Variants in CBFA2T2 observed in about 807,000 individuals in gnomAD.
CBFA2T2 encodes CBFA2/RUNX1 partner transcriptional co-repressor 2.
In CBFA2T2, 11 loss-of-function variants were observed where a neutral mutation model predicts 62.2. That is an observed-to-expected ratio of 0.18 (90% CI 0.11 to 0.29). The LOEUF (loss-of-function observed/expected upper bound fraction) is 0.29, where lower values mean the gene tolerates loss of function less well. CBFA2T2 is among the 10% of genes least tolerant of loss of function. CBFA2T2 has a pLI of 1.00. For missense variants in CBFA2T2, 592 were observed against 774.1 expected (o/e 0.76, Z 2.79); for synonymous variants, 295 against 287.5 (o/e 1.03, Z -0.27).
At chr20:33,565,411 G>A (rs1435154313) in intron 1 of CBFA2T2, among the ~76,000 whole-genome samples, 2 of 152,184 alleles carry the variant, frequency 1.3e-5, no homozygotes, top group African/African-American at 4.8e-5. Context: ...TAGGAGACAT[G>A]AGTGGGGAGA....
chr20:33,528,708 G>A (rs1280687551), intron 1 of CBFA2T2, among the ~76,000 whole-genome samples: 1 of 151,956 alleles, frequency 6.6e-6, no homozygotes, highest in Non-Finnish European at 1.5e-5. Context: ...GTGTGTGTGT[G>A]TGCGTGTGTG....
intron 3 of CBFA2T2, among the ~76,000 whole-genome samples, chr20:33,612,637 A>G (rs2015571363): frequency 6.6e-6 from 1 of 152,248 alleles, no homozygotes; most frequent in Non-Finnish European, 1.5e-5. Context: ...TTTGGAAAAT[A>G]CAGATTTTAA....
chr20:33,541,218 A>G (rs2012402363), intron 1 of CBFA2T2, among the ~76,000 whole-genome samples: 1 of 152,216 alleles, frequency 6.6e-6, no homozygotes, highest in Non-Finnish European at 1.5e-5. Flanking sequence ...CATTGAGGGC[A>G]CTGAAAGGTG....
At position 33,619,555 on chromosome 20, in the gene CBFA2T2, C is replaced by G; in HGVS notation, c.459C>G (p.Leu153=). The G allele has an allele frequency of 6.2e-7, 1 of 1,610,112 alleles. No individual in the cohort carries two copies. Among genetic ancestry groups the G allele is most frequent in the Non-Finnish European group, 8.5e-7 (1 of 1,178,334 alleles). Reference sequence around the variant, plus strand: ...CAATTGAGGAATTCCACTGTAAGCTCCAAGAAGCCACAAACTTTCCCCTTC... The same window carrying G: ...CAATTGAGGAATTCCACTGTAAGCTGCAAGAAGCCACAAACTTTCCCCTTC... ...TVTIEEFHCK[L]QEATNFPLRP... is the part of the protein sequence containing the mutation. Residue 153 remains leucine, a synonymous_variant, in exon 4 of 11, where the codon CTC becomes CTG. Transcript: ENST00000342704.
At chr20:33,512,195 C>T (rs2011522866) in intron 1 of CBFA2T2, among the ~76,000 whole-genome samples, 1 of 150,946 alleles carries the variant, frequency 6.6e-6, no homozygotes, top group South Asian at 2.1e-4. Context: ...AAAAATTAGC[C>T]GGGCATGGCG....
Position 33,490,144 on chromosome 20 carries a change from C to T in CBFA2T2, c.-124C>T, listed in dbSNP as rs1313661052. ...CAGCGGTGGTGGTGTCTGGTTAGCT[C>T]GGCGGCTGCAGATCTCGCGGCGACG... On this transcript the variant is annotated 5_prime_UTR_variant, in exon 1 of 11. Transcript: ENST00000342704. The T allele has an allele frequency of 2.2e-5, 22 of 1,011,386 alleles. No individual in the cohort carries two copies. In the South Asian group the frequency reaches 2.9e-4, roughly 13 times the overall value. 62.7% of individuals were successfully genotyped at this position (1,011,386 alleles called of 1,614,324 possible).
intron 1 of CBFA2T2, among the ~76,000 whole-genome samples, chr20:33,503,238 A>G (rs1212328819): frequency 1.5e-5 from 2 of 134,472 alleles, no homozygotes; most frequent in Non-Finnish European, 3.1e-5. Flanking sequence ...ATGTATCTAA[A>G]TTTCTTTCTT....
intron 1 of CBFA2T2, among the ~76,000 whole-genome samples, chr20:33,605,195 T>G (rs961715545): frequency 1.3e-5 from 2 of 152,246 alleles, no homozygotes; most frequent in African/African-American, 4.8e-5. Flanking sequence ...GTCCCATCAA[T>G]GCACAAAAAT....
chr20:33,604,723 A>G (rs141776147), intron 1 of CBFA2T2, among the ~76,000 whole-genome samples: 215 of 152,338 alleles, frequency 1.4e-3, no homozygotes, highest in African/African-American at 4.8e-3. Flanking sequence ...CACCCTTGCT[A>G]TAGAGCCAGG....
intron 1 of CBFA2T2, chr20:33,562,402 A>G (rs1372364649): frequency 1.0e-6 from 1 of 985,850 alleles, no homozygotes; most frequent in East Asian, 1.1e-4. Context: ...GTATCTGGGG[A>G]TTCTGGCAAG....
chr20:33,505,521 C>T (rs1028429957), intron 1 of CBFA2T2, among the ~76,000 whole-genome samples: 5 of 152,202 alleles, frequency 3.3e-5, no homozygotes, highest in South Asian at 4.1e-4. Flanking sequence ...CAGTGGCTCA[C>T]GCCTGTAATC....
intron 3 of CBFA2T2, among the ~76,000 whole-genome samples, chr20:33,613,905 TAAA>T (rs1230787653): frequency 1.3e-5 from 2 of 152,208 alleles, no homozygotes; most frequent in African/African-American, 2.4e-5. Context: ...TATCTATTCT[TAAA>T]AATAATTTCA....
intron 1 of CBFA2T2, among the ~76,000 whole-genome samples, chr20:33,554,596 TTTTC>T (rs1322213937): frequency 6.9e-6 from 1 of 143,918 alleles, no homozygotes; most frequent in Non-Finnish European, 1.5e-5. Flanking sequence ...TTCCTTTTTC[TTTTC>T]TTTTTTTTTT....
In CBFA2T2 at chr20:33,644,462, G is replaced by A; in HGVS notation, c.1604G>A (p.Gly535Asp). Residue 535 changes from glycine to aspartate, a missense_variant, in exon 11 of 11, where the codon GGT (glycine) becomes GAT (aspartate). By Grantham distance (94) the Gly-to-Asp change is moderately conservative. This residue lies in a region of CBFA2T2 where 85 missense variants were observed against 99.0 expected (regional missense o/e 0.86). Coordinates refer to ENST00000342704, the MANE Select transcript of CBFA2T2 (RefSeq NM_001032999.3). ...TGGGAGCGGCACCACCGCCTCTGTG[G>A]TCAGAACCTGCATGGCCAGAGCCCC... ...KDWERHHRLC[G>D]QNLHGQSPHG... 1.2e-6 allele frequency: 2 copies of A among 1,614,250 alleles called. No homozygotes were observed. The highest frequency in any genetic ancestry group is 1.7e-6 in the Non-Finnish European group (2 of 1,180,046).
intron 5 of CBFA2T2, among the ~76,000 whole-genome samples, chr20:33,624,390 T>C (rs537982081): frequency 6.6e-6 from 1 of 151,206 alleles, no homozygotes; most frequent in African/African-American, 2.4e-5. Context: ...TTTCCTCCCA[T>C]GTAGTTTCTT....
Position 33,527,569 on chromosome 20 carries a change from C to T in CBFA2T2, c.34+37268C>T, listed in dbSNP as rs180818401. On this transcript the variant is annotated intron_variant, in intron 1 of 10. Transcript: ENST00000342704. ...TGTATTTTTAGTAGAGACAGGGTTT[C>T]GCCATGTTGGCCAGGCTGGTCTCAA... is the stretch of plus-strand genomic sequence containing the variant. Among the ~76,000 whole-genome samples the T allele has an allele frequency of 5.2e-3, 797 of 152,106 alleles. 3 individuals are homozygous for T. The highest frequency in any genetic ancestry group is 0.018 in the African/African-American group (765 of 41,500).
chr20:33,623,709 C>A (rs573792124), intron 5 of CBFA2T2: 2 of 668,100 alleles, frequency 3.0e-6, no homozygotes, highest in Admixed American at 4.7e-5. Context: ...TGGATGTGAG[C>A]CACCATGCCC....
chr20:33,518,227 G>A (rs559219316), intron 1 of CBFA2T2, among the ~76,000 whole-genome samples: 50 of 152,244 alleles, frequency 3.3e-4, no homozygotes, highest in African/African-American at 1.2e-3. Context: ...GATTACAGGC[G>A]TGAGTCACTG....
intron 1 of CBFA2T2, among the ~76,000 whole-genome samples, chr20:33,600,182 G>GTTGTTTTTT (rs1568844383): frequency 8.1e-5 from 5 of 62,064 alleles, no homozygotes; most frequent in Non-Finnish European, 1.5e-4. Flanking sequence ...CTTTTGGAAA[G>GTTGTTTTTT]TTTTTTTTTT....
Sources: allele counts gnomAD v4.1 joint callset (sites outside exome capture counted in the v4.1 genomes callset), GRCh38; gene constraint gnomAD v4.1.1; regional missense constraint gnomAD v4.1.1; transcripts MANE v1.5; gene names NCBI Gene and HGNC (gene_info 2026-07-23, HGNC 2026-07-21).